The following MCPH1 variants were observed in gnomAD, a reference collection of about 807,000 sequenced individuals.
MCPH1 encodes microcephalin 1.
Under a neutral mutation model 84.5 loss-of-function variants are expected in MCPH1, and 104 were observed. The ratio of observed to expected loss-of-function variants is 1.23; its 90% CI spans 1.05 to 1.45. The LOEUF is 1.45. Ranked by LOEUF, MCPH1 falls within the 40% of genes most tolerant of loss-of-function variation. The pLI, the probability that MCPH1 is intolerant of heterozygous loss-of-function variation, is 0.00. For synonymous variants in MCPH1, 514 were observed against 366.8 expected (o/e 1.40, Z -4.58); for missense variants, 1,498 against 1,005.7 (o/e 1.49, Z -6.62).
intron 6 of MCPH1, among the ~76,000 whole-genome samples, chr8:6,440,714 T>G (rs1803378920): frequency 6.6e-6 from 1 of 152,216 alleles, no homozygotes; most frequent in African/African-American, 2.4e-5. Context: ...CAGGTTTAAG[T>G]GCCTTTTCAT....
intron 13 of MCPH1, among the ~76,000 whole-genome samples, chr8:6,623,185 G>A (rs116750766): frequency 1.5e-3 from 230 of 151,926 alleles, no homozygotes; most frequent in African/African-American, 5.3e-3. Flanking sequence ...TCTTTTTCAA[G>A]GCCCCATCTC....
chr8:6,608,397 G>A (rs945202126), intron 12 of MCPH1, among the ~76,000 whole-genome samples: 2 of 152,102 alleles, frequency 1.3e-5, no homozygotes, highest in Admixed American at 1.3e-4. Context: ...TCTTTCACTG[G>A]GTGTCTTTCT....
chr8:6,532,601 A>C (rs1347386240), intron 12 of MCPH1: 3 of 766,370 alleles, frequency 3.9e-6, no homozygotes, highest in East Asian at 3.1e-5. Flanking sequence ...AATCTATCAA[A>C]AGACTTGTAC....
At chr8:6,540,032 C>G (rs1821255549) in intron 12 of MCPH1, among the ~76,000 whole-genome samples, 1 of 152,194 alleles carries the variant, frequency 6.6e-6, no homozygotes, top group Non-Finnish European at 1.5e-5. Context: ...TGGGCCTCAG[C>G]TGGTGGCATT....
rs529715754 is a variant in MCPH1 at position 6,440,742 on chromosome 8, C to T, written c.581-1325C>T. On this transcript the variant is annotated intron_variant, in intron 6 of 13. Transcript: ENST00000344683. ...CTTTTCATATTACTGACTGACTTACCGAATGCAGCTTTTAATGTGATCAAC... is the reference window on the plus strand; with the variant it reads ...CTTTTCATATTACTGACTGACTTACTGAATGCAGCTTTTAATGTGATCAAC... Among the ~76,000 whole-genome samples the T allele has an allele frequency of 1.2e-4, 18 of 152,292 alleles. No individual in the cohort carries two copies. In the South Asian group the frequency reaches 3.7e-3, roughly 32 times the overall value.
intron 12 of MCPH1, among the ~76,000 whole-genome samples, chr8:6,542,680 C>A (rs1453905914): frequency 6.6e-6 from 1 of 151,848 alleles, no homozygotes; most frequent in Non-Finnish European, 1.5e-5. Context: ...ATACTGATGG[C>A]CTTTTACGTC....
rs768166364 is a variant in MCPH1, at chr8:6,562,688, G to A, written c.2215-58766G>A. The A allele has an allele frequency of 5.0e-6, 8 of 1,605,774 alleles. No individual in the cohort carries two copies. The Admixed American group carries it at 1.3e-4, about 27-fold the overall frequency. On this transcript the variant is annotated intron_variant, in intron 12 of 13. Transcript: ENST00000344683. Reference sequence around the variant, plus strand: ...GTGTTGTTTTCCATGATGTTCTCCAGCACTTGCAGCCTCTGCACCGAGTCA... The same window carrying A: ...GTGTTGTTTTCCATGATGTTCTCCAACACTTGCAGCCTCTGCACCGAGTCA...
chr8:6,482,919 A>G (rs1809417693), intron 11 of MCPH1, among the ~76,000 whole-genome samples: 1 of 152,248 alleles, frequency 6.6e-6, no homozygotes, highest in Non-Finnish European at 1.5e-5. Context: ...AATGAGGTAC[A>G]AGGCAATCAG....
intron 12 of MCPH1, chr8:6,532,607 T>G: frequency 1.4e-6 from 1 of 717,430 alleles, no homozygotes; most frequent in Non-Finnish European, 2.0e-6. Flanking sequence ...TCAAAAGACT[T>G]GTACCTTGCC....
intron 12 of MCPH1, chr8:6,501,363 G>A (rs1425189531): frequency 1.3e-5 from 2 of 152,098 alleles, no homozygotes; most frequent in South Asian, 2.1e-4. Context: ...GTTACAGACT[G>A]GACTCTGAAC....
At position 6,453,183 on chromosome 8, in the gene MCPH1, C is replaced by G. The variant is rs544440063; in HGVS notation, c.1826-1960C>G. On this transcript the variant is annotated intron_variant, in intron 8 of 13. Coordinates refer to ENST00000344683, the MANE Select transcript of MCPH1 (RefSeq NM_024596.5). ...GGGTAGGTGTTTGTTTACAGACCTC[C>G]TGCCAAAAGTGGAGTCCAACTAATC... Among the ~76,000 whole-genome samples the G allele has an allele frequency of 1.2e-4, 18 of 152,314 alleles. 1 individual carries two copies. The highest frequency in any genetic ancestry group is 4.1e-4 in the African/African-American group (17 of 41,570).
chr8:6,507,573 T>A, intron 12 of MCPH1: 1 of 35,312 alleles, frequency 2.8e-5, no homozygotes. Context: ...CTTTCTTTTC[T>A]TTTTTTTTTT....
At position 6,643,171 on chromosome 8, in the gene MCPH1, T is replaced by C. The variant is rs950454282; in HGVS notation, c.*122T>C. On this transcript the variant is annotated 3_prime_UTR_variant, in exon 14 of 14. Coordinates refer to ENST00000344683, the MANE Select transcript of MCPH1 (RefSeq NM_024596.5). ...GTATACAAGATGACTTCTGATATCATGTTTGCCATGTGTTGTGGTTCTTAA... is the reference window on the plus strand; with the variant it reads ...GTATACAAGATGACTTCTGATATCACGTTTGCCATGTGTTGTGGTTCTTAA... The C allele has an allele frequency of 1.2e-6, 1 of 836,022 alleles. No individual in the cohort carries two copies. Among genetic ancestry groups the C allele is most frequent in the Non-Finnish European group, 2.0e-6 (1 of 498,810 alleles). 51.8% of individuals were successfully genotyped at this position (836,022 alleles called of 1,614,324 possible). A position where few individuals can be genotyped will look rare whatever the true frequency, so the allele number is the denominator to read the frequency against.
intron 12 of MCPH1, among the ~76,000 whole-genome samples, chr8:6,504,833 T>C (rs1304723987): frequency 6.6e-6 from 1 of 152,138 alleles, no homozygotes; most frequent in Non-Finnish European, 1.5e-5. Context: ...GGAAAAAATA[T>C]ACACATAGGG....
chr8:6,603,579 G>C (rs1586765982), intron 12 of MCPH1, among the ~76,000 whole-genome samples: 1 of 152,178 alleles, frequency 6.6e-6, no homozygotes, highest in East Asian at 1.9e-4. Context: ...GGATATAACT[G>C]ATAATGTGGA....
intron 8 of MCPH1, chr8:6,447,208 C>T (rs1334616058): frequency 1.0e-6 from 1 of 985,142 alleles, no homozygotes; most frequent in African/African-American, 1.7e-5. Context: ...TTAAACTGTC[C>T]ACTGTCAGCC....
At chr8:6,462,241 A>T (rs1389636644) in intron 9 of MCPH1, among the ~76,000 whole-genome samples, 8 of 152,370 alleles carry the variant, frequency 5.3e-5, no homozygotes. Context: ...TGCAAAACAA[A>T]TAATAGCTTG....
At chr8:6,458,932 C>T (rs1805983338) in intron 9 of MCPH1, among the ~76,000 whole-genome samples, 1 of 152,208 alleles carries the variant, frequency 6.6e-6, no homozygotes, top group Non-Finnish European at 1.5e-5. Context: ...CAGGCGTGAG[C>T]CACAGCACCT....
intron 12 of MCPH1, among the ~76,000 whole-genome samples, chr8:6,597,433 G>A (rs1348394535): frequency 6.6e-6 from 1 of 152,216 alleles, no homozygotes; most frequent in Non-Finnish European, 1.5e-5. Context: ...TGGCAAATAT[G>A]TCTTGTAAGA....
Sources: allele counts gnomAD v4.1 joint callset (sites outside exome capture counted in the v4.1 genomes callset), GRCh38; gene constraint gnomAD v4.1.1; transcripts MANE v1.5; gene names NCBI Gene and HGNC (gene_info 2026-07-23, HGNC 2026-07-21).